Variants in CPNE5 observed in about 807,000 individuals in gnomAD.
The protein encoded by CPNE5 is copine 5, also known as copine-5.
In CPNE5, 42 loss-of-function variants were observed where a neutral mutation model predicts 81.1. That is an observed-to-expected ratio of 0.52 (90% CI 0.40 to 0.67). The LOEUF (loss-of-function observed/expected upper bound fraction) is 0.67. CPNE5 is among the 30% of genes least tolerant of loss of function. The probability of loss-of-function intolerance (pLI) is 0.00; values close to 1 mark genes in which losing one functional copy is unlikely to be tolerated. For missense variants in CPNE5, 612 were observed against 815.5 expected, an observed-to-expected ratio of 0.75 and a Z score of 3.04; for synonymous variants, 313 against 321.5, an observed-to-expected ratio of 0.97 and a Z score of 0.28.
At chr6:36,801,551 T>C (rs958147142) in intron 3 of CPNE5, among the ~76,000 whole-genome samples, 4 of 152,148 alleles carry the variant, frequency 2.6e-5, no homozygotes, top group African/African-American at 9.7e-5. Flanking sequence ...AAAATTTTTG[T>C]TTCAAAAAAG....
intron 12 of CPNE5, among the ~76,000 whole-genome samples, chr6:36,758,790 T>C (rs1388357727): frequency 1.3e-5 from 2 of 151,956 alleles, no homozygotes; most frequent in Non-Finnish European, 2.9e-5. Flanking sequence ...AGGTGGGAAG[T>C]TCACGTGGGA....
At chr6:36,770,723 G>A (rs1468492788) in intron 10 of CPNE5, among the ~76,000 whole-genome samples, 1 of 152,126 alleles carries the variant, frequency 6.6e-6, no homozygotes, top group Non-Finnish European at 1.5e-5. Context: ...GTCCCCTCCT[G>A]CTTTAGCGGT....
At chr6:36,748,601 C>T (rs1340152968) in intron 14 of CPNE5, among the ~76,000 whole-genome samples, 1 of 152,138 alleles carries the variant, frequency 6.6e-6, no homozygotes, top group Non-Finnish European at 1.5e-5. Flanking sequence ...GGTTGGGTCT[C>T]ATTGGATTGC....
chr6:36,763,116 A>G (rs111731466), intron 11 of CPNE5, 124 bp from the exon 12 acceptor site: 1 of 800,514 alleles, frequency 1.2e-6, no homozygotes, highest in African/African-American at 1.7e-5. Flanking sequence ...CCAGGGGCAC[A>G]CGCCAGCAGA....
intron 8 of CPNE5, among the ~76,000 whole-genome samples, chr6:36,790,326 C>T (rs1768968057): frequency 6.6e-6 from 1 of 152,136 alleles, no homozygotes; most frequent in Non-Finnish European, 1.5e-5. Context: ...CACTGTTATA[C>T]CTCTATACCA....
chr6:36,801,958 C>T (rs886921764), intron 3 of CPNE5, among the ~76,000 whole-genome samples: 16 of 152,104 alleles, frequency 1.1e-4, no homozygotes, highest in Admixed American at 6.5e-5. Flanking sequence ...CGGTGGCTGA[C>T]GCCTGTAATC....
chr6:36,839,441 G>T lies in CPNE5; in HGVS notation c.-64C>A. Reference sequence around the variant, plus strand: ...GCGCGATTCACGCCTCCTCCGGAGCGACTGGAGCCCTGGGCTCTCCCCCAA... The same window carrying T: ...GCGCGATTCACGCCTCCTCCGGAGCTACTGGAGCCCTGGGCTCTCCCCCAA... On this transcript the variant is annotated 5_prime_UTR_variant, in exon 1 of 21. Transcript: ENST00000244751. This position sits in a 1 kb window ranked among gnomAD's most constrained non-coding sequence, Gnocchi z 7.3. 7.2e-7 allele frequency: 1 copy of T among 1,379,388 alleles called. No individual in the cohort carries two copies. The highest frequency in any genetic ancestry group is 9.9e-7 in the Non-Finnish European group (1 of 1,012,082). The allele number at this position is 1,379,388 out of a possible 1,614,324, so 85.4% of individuals were successfully genotyped here.
chr6:36,753,131 C>T, intron 13 of CPNE5, 36 bp from the exon 14 acceptor site: 1 of 1,585,542 alleles, frequency 6.3e-7, no homozygotes, highest in East Asian at 2.2e-5. Flanking sequence ...AGTGGGGAGC[C>T]TGGGGTCAGG....
At chr6:36,796,497 G>A (rs1250872813) in intron 6 of CPNE5, among the ~76,000 whole-genome samples, 3 of 152,224 alleles carry the variant, frequency 2.0e-5, no homozygotes, top group Admixed American at 1.3e-4. Context: ...GTAAAGCCAC[G>A]GGTGGGGGTG....
chr6:36,820,332 A>AT (rs1771927255), intron 3 of CPNE5, among the ~76,000 whole-genome samples: 1 of 109,582 alleles, frequency 9.1e-6, no homozygotes, highest in Non-Finnish European at 1.9e-5. Context: ...TTCCTAATCC[A>AT]TTCTTTTTTT....
At chr6:36,765,768 G>A (rs1413375460) in intron 10 of CPNE5, among the ~76,000 whole-genome samples, 8 of 152,040 alleles carry the variant, frequency 5.3e-5, no homozygotes, top group African/African-American at 1.7e-4. Context: ...CTCAGGCCCC[G>A]GCAGGGTGGA....
chr6:36,756,219 C>A (rs1236538855), intron 13 of CPNE5, 26 bp downstream of exon 13: 1 of 1,606,428 alleles, frequency 6.2e-7, no homozygotes, highest in Non-Finnish European at 8.5e-7. Context: ...CTACACCCGG[C>A]TGCAGAGACC....
intron 1 of CPNE5, chr6:36,827,335 T>G (rs1772587731): frequency 2.0e-6 from 2 of 985,324 alleles, no homozygotes; most frequent in South Asian, 9.4e-5. Flanking sequence ...TACCTTGGCT[T>G]TGGACGGGTG....
rs1764188070 is a variant in CPNE5 at position 36,746,528 on chromosome 6, C to T, written c.1068G>A (p.Leu356=). Residue 356 remains leucine (L), a synonymous_variant, in exon 16 of 21, where the codon CTG becomes CTA. Coordinates refer to ENST00000244751, the MANE Select transcript of CPNE5 (RefSeq NM_020939.2). This position sits in a 1 kb window ranked among gnomAD's most constrained non-coding sequence, Gnocchi z 4.5. ...TSLHYMSPYQ[L]NAYALALTAV... Reference sequence around the variant, plus strand: ...CAGTCAGCGCCAGCGCGTAGGCGTTCAGCTGGTAGGGGCTCATGTAGTGCA... The same window carrying T: ...CAGTCAGCGCCAGCGCGTAGGCGTTTAGCTGGTAGGGGCTCATGTAGTGCA... The T allele has an allele frequency of 3.1e-6, 5 of 1,613,594 alleles. No individual in the cohort carries two copies. Among genetic ancestry groups the T allele is most frequent in the Non-Finnish European group, 4.2e-6 (5 of 1,179,740 alleles).
At chr6:36,823,253 G>A (rs1348217538) in intron 1 of CPNE5, among the ~76,000 whole-genome samples, 155 bp from the exon 2 acceptor site, 1 of 151,952 alleles carries the variant, frequency 6.6e-6, no homozygotes, top group Non-Finnish European at 1.5e-5. Flanking sequence ...TAAAAGCCAG[G>A]CACTGGGCAG....
intron 6 of CPNE5, 37 bp downstream of exon 6, chr6:36,798,128 G>T (rs1476431780): frequency 3.2e-6 from 5 of 1,560,620 alleles, no homozygotes; most frequent in Non-Finnish European, 4.4e-6. Context: ...TGGGCGGGAA[G>T]TTGGCCTACC....
Position 36,822,164 on chromosome 6 carries a change from C to CGG in CPNE5, c.137-6_137-5dup, listed in dbSNP as rs3842097. ...CCTTGGGTATACATGACGCACACTGCGGGGGGAGGAGAAACAGTGGATTAA... is the reference window on the plus strand; with the variant it reads ...CCTTGGGTATACATGACGCACACTGCGGGGGGGGAGGAGAAACAGTGGATTAA... On this transcript the variant is annotated splice_region_variant and splice_polypyrimidine_tract_variant and intron_variant, in intron 2 of 20. Coordinates refer to ENST00000244751, the MANE Select transcript of CPNE5 (RefSeq NM_020939.2). The CGG allele has an allele frequency of 1.0e-5, 15 of 1,499,740 alleles. No homozygotes were observed. Among genetic ancestry groups the CGG allele is most frequent in the Non-Finnish European group, 1.2e-5 (13 of 1,111,696 alleles). The allele number at this position is 1,499,740 out of a possible 1,614,324, so 92.9% of individuals were successfully genotyped here. A position where few individuals can be genotyped will look rare whatever the true frequency, so the allele number is the denominator to read the frequency against.
chr6:36,762,481 T>C (rs1582784326), intron 12 of CPNE5, among the ~76,000 whole-genome samples: 2 of 152,160 alleles, frequency 1.3e-5, no homozygotes, highest in Non-Finnish European at 2.9e-5. Flanking sequence ...CCTGACCTCA[T>C]TCTCTTGAAG....
chr6:36,825,313 T>C (rs1367803839), intron 1 of CPNE5, among the ~76,000 whole-genome samples: 4 of 152,148 alleles, frequency 2.6e-5, no homozygotes, highest in Admixed American at 6.5e-5. Context: ...CATTCATTAA[T>C]ACCCCCAGCT....
Sources: allele counts gnomAD v4.1 joint callset (sites outside exome capture counted in the v4.1 genomes callset), GRCh38; gene constraint gnomAD v4.1.1; non-coding constraint Gnocchi (gnomAD v3.1); transcripts MANE v1.5; gene names NCBI Gene and HGNC (gene_info 2026-07-23, HGNC 2026-07-21).